Variants in NCAPD2 observed in about 807,000 individuals in gnomAD.
NCAPD2 encodes the protein non-SMC condensin I complex subunit D2, also known as condensin complex subunit 1.
NCAPD2 carries 100 observed loss-of-function variants against 164.5 expected under a neutral mutation model. The ratio of observed to expected loss-of-function variants is 0.61; its 90% CI spans 0.52 to 0.72. The LOEUF (loss-of-function observed/expected upper bound fraction) is 0.72. NCAPD2 is among the 30% of genes least tolerant of loss of function. The pLI, the probability that NCAPD2 is intolerant of heterozygous loss-of-function variation, is 0.00. For synonymous variants in NCAPD2, 585 were observed against 642.6 expected, an observed-to-expected ratio of 0.91 and a Z score of 1.36; for missense variants, 1,560 against 1,749.2, an observed-to-expected ratio of 0.89 and a Z score of 1.93.
chr12:6,511,041 T>G, intron 5 of NCAPD2, 69 bp from the exon 6 acceptor site: 1 of 1,540,836 alleles, frequency 6.5e-7, no homozygotes, highest in East Asian at 2.2e-5. Flanking sequence ...GTTTGGGCAC[T>G]CAGACTGACA....
intron 2 of NCAPD2, among the ~76,000 whole-genome samples, chr12:6,507,215 G>A (rs372839859): frequency 4.6e-5 from 7 of 152,162 alleles, no homozygotes; most frequent in African/African-American, 1.4e-4. Context: ...GGGCCCAAGC[G>A]ATTCTACTGC....
At chr12:6,505,939 T>C (rs546702699) in intron 2 of NCAPD2, among the ~76,000 whole-genome samples, 1 of 151,732 alleles carries the variant, frequency 6.6e-6, no homozygotes, top group Non-Finnish European at 1.5e-5. Context: ...TGTCATGTAC[T>C]GTCTGTGTTT....
Position 6,531,057 on chromosome 12 carries a change from T to C in NCAPD2, c.4101T>C (p.Ser1367=), listed in dbSNP as rs1387522398. 1 of 1,613,648 alleles carries C rather than the reference T, an allele frequency of 6.2e-7. No homozygotes were observed. The highest frequency in any genetic ancestry group is 1.1e-5 in the South Asian group (1 of 91,052). The change falls in exon 31 of 32, where the codon AGT becomes AGC. Residue 1367 remains serine, a synonymous_variant. Transcript: ENST00000315579. This position sits in a 1 kb window ranked among gnomAD's most constrained non-coding sequence, Gnocchi z 4.1. ...AGAAACCCAAAGTTGTCTTCTCAAG[T>C]GATGAGTCCAGTGAGGAAGGTATGA... ...SKKKPKVVFS[S]DESSEEDLSA...
At chr12:6,518,133 A>G (rs940310263) in intron 13 of NCAPD2, 174 bp downstream of exon 13, 2 of 568,170 alleles carry the variant, frequency 3.5e-6, no homozygotes, top group Non-Finnish European at 6.1e-6. Flanking sequence ...ACAATTAAGC[A>G]TGTGTTTCTA....
intron 18 of NCAPD2, 128 bp from the exon 19 acceptor site, chr12:6,525,940 G>T: frequency 7.5e-7 from 1 of 1,341,944 alleles, no homozygotes; most frequent in Non-Finnish European, 1.0e-6. Flanking sequence ...CCCTGCGGCA[G>T]AGCCACGCTA....
intron 6 of NCAPD2, among the ~76,000 whole-genome samples, chr12:6,513,363 A>T (rs1946168983): frequency 1.3e-5 from 2 of 152,172 alleles, no homozygotes; most frequent in Admixed American, 1.3e-4. Context: ...CAACATAGTG[A>T]AACTGTGTCT....
chr12:6,495,932 C>T (rs1945978315), intron 2 of NCAPD2, among the ~76,000 whole-genome samples: 1 of 152,106 alleles, frequency 6.6e-6, no homozygotes, highest in South Asian at 2.1e-4. Flanking sequence ...GAGATAATAA[C>T]CAATTCCTTT....
rs543627840 is a variant in NCAPD2, at chr12:6,528,436, G to A, written c.3299+108G>A. 1.6e-5 allele frequency: 24 copies of A among 1,460,964 alleles called. No individual in the cohort carries two copies. In the African/African-American group the frequency reaches 1.7e-4, roughly 10 times the overall value. 90.5% of individuals were successfully genotyped at this position (1,460,964 alleles called of 1,614,324 possible). On this transcript the variant is annotated intron_variant, in intron 25 of 31. Coordinates refer to ENST00000315579, the MANE Select transcript of NCAPD2 (RefSeq NM_014865.4). The surrounding 1 kb of genome is among the most constrained non-coding windows in gnomAD (Gnocchi z 5.1). ...TTCCCCTAGGCTTTGGCATCACCGCGAACATCTGCTTGATACTTGACCTGT... is the reference window on the plus strand; with the variant it reads ...TTCCCCTAGGCTTTGGCATCACCGCAAACATCTGCTTGATACTTGACCTGT...
chr12:6,520,042 A>G (rs896999639), intron 13 of NCAPD2, among the ~76,000 whole-genome samples: 14 of 151,946 alleles, frequency 9.2e-5, no homozygotes, highest in Non-Finnish European at 1.6e-4. Flanking sequence ...TTGGCCAGGT[A>G]TGGTGGCACG....
intron 2 of NCAPD2, among the ~76,000 whole-genome samples, chr12:6,497,382 C>T (rs1454963212): frequency 1.3e-5 from 2 of 151,730 alleles, no homozygotes; most frequent in Non-Finnish European, 2.9e-5. Flanking sequence ...GTTTGCTGCA[C>T]CTATCAACCC....
intron 9 of NCAPD2, among the ~76,000 whole-genome samples, chr12:6,516,395 G>T (rs1252688283): frequency 6.6e-6 from 1 of 152,038 alleles, no homozygotes; most frequent in Admixed American, 6.6e-5. Context: ...CCAGCTGCTT[G>T]GGAGGCTGAG....
intron 2 of NCAPD2, among the ~76,000 whole-genome samples, chr12:6,497,982 G>A (rs988277749): frequency 6.0e-5 from 9 of 150,440 alleles, no homozygotes; most frequent in Admixed American, 1.3e-4. Flanking sequence ...TGCCCAGGCT[G>A]GAGTGCAGTG....
chr12:6,523,102 T>A, intron 16 of NCAPD2, 100 bp downstream of exon 16: 1 of 1,503,990 alleles, frequency 6.6e-7, no homozygotes, highest in Middle Eastern at 2.3e-4. Flanking sequence ...TCCAGGGGAG[T>A]TCCAGATCCA....
rs1185299652 is a variant in NCAPD2 at position 6,510,115 on chromosome 12, C to G, written c.244C>G (p.Leu82Val). The G allele has an allele frequency of 6.2e-7, 1 of 1,611,918 alleles. No individual in the cohort carries two copies. The highest frequency in any genetic ancestry group is 8.5e-7 in the Non-Finnish European group (1 of 1,178,098). The change falls in exon 4 of 32, where the codon CTG becomes GTG. Residue 82 changes from leucine to valine, a missense_variant. Leu to Val is a conservative substitution (Grantham distance 32). Coordinates refer to ENST00000315579, the MANE Select transcript of NCAPD2 (RefSeq NM_014865.4). ...SIDPGLKEDT[L>V]QFLIKVVSRH... ...AGATCCTGGCCTCAAAGAAGATACT[C>G]TGCAATTCCTGATAAAAGGTGTTTA...
chr12:6,494,955 G>A, intron 1 of NCAPD2, 121 bp from the exon 2 acceptor site: 1 of 973,434 alleles, frequency 1.0e-6, no homozygotes. Context: ...ACCAGATGAT[G>A]TTACTAGCTT....
chr12:6,495,295 T>C (rs1183622945), intron 2 of NCAPD2, 70 bp downstream of exon 2: 2 of 1,559,448 alleles, frequency 1.3e-6, no homozygotes, highest in Non-Finnish European at 1.8e-6. Context: ...TGCTACATTG[T>C]CATTTCTGTT....
chr12:6,509,568 G>A lies in NCAPD2; in HGVS notation c.128-149G>A, dbSNP rs989098491. 15 of 778,124 alleles carry A rather than the reference G, an allele frequency of 1.9e-5. No individual in the cohort carries two copies. The Admixed American group carries it at 1.9e-4, about 10-fold the overall frequency. 48.2% of individuals were successfully genotyped at this position (778,124 alleles called of 1,614,324 possible). ...TGAGCCACCATGCCCGGCTCTCATC[G>A]TCATTATAGGTTACATTGAAGTGAA... On this transcript the variant is annotated intron_variant, in intron 2 of 31. Transcript: ENST00000315579.
intron 2 of NCAPD2, among the ~76,000 whole-genome samples, chr12:6,504,206 T>TATATACAC (rs1946073741): frequency 2.4e-4 from 6 of 25,236 alleles, no homozygotes; most frequent in African/African-American, 2.1e-3. Flanking sequence ...TATATATATA[T>TATATACAC]ATATATATAT....
intron 29 of NCAPD2, 38 bp downstream of exon 29, chr12:6,529,996 T>C: frequency 2.5e-6 from 4 of 1,585,278 alleles, no homozygotes; most frequent in Non-Finnish European, 3.4e-6. Flanking sequence ...TGTTGGGTTC[T>C]GGGCTGGCTA....
Sources: gnomAD v4.1 joint callset for allele counts (sites outside exome capture counted in the v4.1 genomes callset) on GRCh38, gnomAD v4.1.1 for gene constraint, Gnocchi (gnomAD v3.1) non-coding constraint, MANE v1.5 for transcripts, NCBI Gene and HGNC (gene_info 2026-07-23, HGNC 2026-07-21) for gene names.